Variants in NEK11 observed in about 807,000 individuals in gnomAD.
NEK11 encodes the protein serine/threonine-protein kinase Nek11.
In NEK11, 72 loss-of-function variants were observed where a neutral mutation model predicts 80.7. That is an observed-to-expected ratio of 0.89 (90% CI 0.74 to 1.08). The LOEUF (loss-of-function observed/expected upper bound fraction) is 1.08. Ranked by LOEUF, NEK11 falls within the 50% of genes least tolerant of loss-of-function variation. NEK11 has a pLI of 0.00. For missense variants in NEK11, 764 were observed against 763.6 expected (o/e 1.00, Z -0.01); for synonymous variants, 251 against 260.7 (o/e 0.96, Z 0.36).
intron 10 of NEK11, among the ~76,000 whole-genome samples, chr3:131,158,278 C>G (rs1273218944): frequency 6.6e-6 from 1 of 152,148 alleles, no homozygotes; most frequent in Admixed American, 6.5e-5. Context: ...TCCTCAGGCT[C>G]ACAGCCACCA....
chr3:131,037,208 CTG>C lies in NEK11; in HGVS notation c.170+7334_170+7335del, dbSNP rs2065778108. Among the ~76,000 whole-genome samples the C allele has an allele frequency of 2.6e-5, 3 of 116,074 alleles. No individual in the cohort carries two copies. In the South Asian group the frequency reaches 9.9e-4, roughly 38 times the overall value. 76.1% of individuals were successfully genotyped at this position (116,074 alleles called of 152,430 possible). A position where few individuals can be genotyped will look rare whatever the true frequency, so the allele number is the denominator to read the frequency against. On this transcript the variant is annotated intron_variant, in intron 3 of 17. Coordinates refer to ENST00000383366, the MANE Select transcript of NEK11 (RefSeq NM_024800.5). ...CGGTCACTGAGAAATGACAGGCATT[CTG>C]TGTCATTCAATGGAAGCATTTTTTG...
chr3:131,068,985 T>G (rs2072617740), intron 3 of NEK11, among the ~76,000 whole-genome samples: 1 of 152,318 alleles, frequency 6.6e-6, no homozygotes, highest in East Asian at 1.9e-4. Context: ...AGCTCAAGCC[T>G]GCATATTACA....
intron 5 of NEK11, among the ~76,000 whole-genome samples, chr3:131,115,800 A>G (rs2080917225): frequency 6.6e-6 from 1 of 151,938 alleles, no homozygotes; most frequent in Non-Finnish European, 1.5e-5. Flanking sequence ...CTGGGCACTT[A>G]CTCCAAGACG....
chr3:131,124,663 C>T (rs997402191), intron 5 of NEK11, among the ~76,000 whole-genome samples: 6 of 152,078 alleles, frequency 3.9e-5, no homozygotes, highest in African/African-American at 1.2e-4. Context: ...ATAGAGAAAG[C>T]CAGGTTTCAT....
At position 131,052,123 on chromosome 3, in the gene NEK11, T is replaced by C. The variant is rs575040250; in HGVS notation, c.170+22245T>C. On this transcript the variant is annotated intron_variant, in intron 3 of 17. Transcript: ENST00000383366. ...TAAAAGCTAGCATATTATACACTTCTGGTTTTTTTTGTTTTTTTTTTTTTT... is the reference window on the plus strand; with the variant it reads ...TAAAAGCTAGCATATTATACACTTCCGGTTTTTTTTGTTTTTTTTTTTTTT... 2.7e-5 allele frequency among the ~76,000 whole-genome samples: 3 copies of C among 110,636 alleles called. No individual in the cohort carries two copies. In the South Asian group the frequency reaches 1.0e-3, roughly 38 times the overall value. The allele number at this position is 110,636 out of a possible 152,430, so 72.6% of individuals were successfully genotyped here. A position where few individuals can be genotyped will look rare whatever the true frequency, so the allele number is the denominator to read the frequency against.
At chr3:131,320,673 G>A (rs766684860) in intron 17 of NEK11, among the ~76,000 whole-genome samples, 19 of 152,096 alleles carry the variant, frequency 1.2e-4, no homozygotes, top group Non-Finnish European at 2.4e-4. Context: ...ATGCCTCCCA[G>A]CTTAGAAAGC....
At chr3:131,317,488 G>A (rs928488791) in intron 17 of NEK11, among the ~76,000 whole-genome samples, 2 of 151,912 alleles carry the variant, frequency 1.3e-5, no homozygotes, top group African/African-American at 4.8e-5. Flanking sequence ...GATGATCACA[G>A]TCCTTACCAC....
At chr3:131,343,794 T>C (rs7646237) in intron 17 of NEK11, among the ~76,000 whole-genome samples, 15,228 of 152,172 alleles carry the variant, frequency 0.1, 1,227 homozygotes, top group African/African-American at 0.22. Flanking sequence ...TGAGGAGCAG[T>C]GTCCCGAGGC....
At chr3:131,122,671 C>T (rs1409792439) in intron 5 of NEK11, among the ~76,000 whole-genome samples, 1 of 101,498 alleles carries the variant, frequency 9.9e-6, no homozygotes, top group Non-Finnish European at 2.3e-5. Flanking sequence ...GGGAGGGTTT[C>T]ATATCATAAA....
At chr3:131,287,244 T>G (rs2096484304) in intron 17 of NEK11, among the ~76,000 whole-genome samples, 1 of 152,126 alleles carries the variant, frequency 6.6e-6, no homozygotes, top group South Asian at 2.1e-4. Flanking sequence ...CCACTTTATC[T>G]GTTTCAAGGA....
At chr3:131,162,037 C>T (rs1245132810) in intron 10 of NEK11, among the ~76,000 whole-genome samples, 2 of 152,012 alleles carry the variant, frequency 1.3e-5, no homozygotes, top group South Asian at 2.1e-4. Flanking sequence ...AGGTGGGATT[C>T]GAACCCTGCC....
chr3:131,266,064 C>T (rs1317611826), intron 16 of NEK11, among the ~76,000 whole-genome samples: 9 of 152,016 alleles, frequency 5.9e-5, no homozygotes, highest in Non-Finnish European at 1.2e-4. Flanking sequence ...GGTGATATCC[C>T]CTTTATCATT....
intron 4 of NEK11, among the ~76,000 whole-genome samples, chr3:131,106,841 C>T (rs1485575650): frequency 6.6e-6 from 1 of 151,946 alleles, no homozygotes; most frequent in Admixed American, 6.6e-5. Context: ...AAAAACAGAT[C>T]TTGTAGTATT....
intron 4 of NEK11, among the ~76,000 whole-genome samples, chr3:131,101,280 G>A (rs2078324880): frequency 6.6e-6 from 1 of 151,990 alleles, no homozygotes; most frequent in Non-Finnish European, 1.5e-5. Flanking sequence ...TAGCTTTAGG[G>A]TTGGTTTGTT....
At chr3:131,120,888 T>C (rs951673697) in intron 5 of NEK11, among the ~76,000 whole-genome samples, 1 of 152,310 alleles carries the variant, frequency 6.6e-6, no homozygotes, top group Middle Eastern at 3.4e-3. Flanking sequence ...TCTAATCTTA[T>C]TTCAAGGTTT....
intron 17 of NEK11, among the ~76,000 whole-genome samples, 174 bp from the exon 18 acceptor site, chr3:131,349,383 T>C (rs771605937): frequency 7.9e-5 from 12 of 152,208 alleles, no homozygotes; most frequent in Non-Finnish European, 1.6e-4. Flanking sequence ...CATTGAGGCA[T>C]TATTTGTTGA....
chr3:131,052,216 T>C (rs1378000117), intron 3 of NEK11, among the ~76,000 whole-genome samples: 3 of 149,022 alleles, frequency 2.0e-5, no homozygotes, highest in Non-Finnish European at 4.5e-5. Context: ...TTCCCCATTC[T>C]TTTTTTTTTA....
chr3:131,257,619 T>G (rs2095840131), intron 16 of NEK11, among the ~76,000 whole-genome samples: 1 of 152,186 alleles, frequency 6.6e-6, no homozygotes, highest in East Asian at 1.9e-4. Flanking sequence ...CAGGTAATCA[T>G]TTTTCAATTT....
chr3:131,335,498 C>G (rs1011369411), intron 17 of NEK11, among the ~76,000 whole-genome samples: 2 of 152,184 alleles, frequency 1.3e-5, no homozygotes, highest in African/African-American at 4.8e-5. Flanking sequence ...ATGACAAACT[C>G]ACAGCCAATA....
Sources: gnomAD v4.1 joint callset for allele counts (sites outside exome capture counted in the v4.1 genomes callset) on GRCh38, gnomAD v4.1.1 for gene constraint, MANE v1.5 for transcripts, NCBI Gene and HGNC (gene_info 2026-07-23, HGNC 2026-07-21) for gene names.